OR1J2: variants seen among roughly 807,000 people sequenced by gnomAD.
OR1J2 encodes olfactory receptor family 1 subfamily J member 2, also known as olfactory receptor 1J2.
For missense variants in OR1J2, 304 were observed against 246.1 expected, an observed-to-expected ratio of 1.24 and a Z score of -1.57; for synonymous variants, 142 against 99.7, an observed-to-expected ratio of 1.42 and a Z score of -2.52.
the OR1J2 span, among the ~76,000 whole-genome samples, chr9:122,455,654 T>C: frequency 6.6e-6 from 1 of 152,228 alleles, no homozygotes; most frequent in Non-Finnish European, 1.5e-5. Flanking sequence ...ATTTTGTGAA[T>C]TGTGTTTTCA....
the OR1J2 span, chr9:122,520,119 C>G: frequency 7.0e-7 from 1 of 1,437,950 alleles, no homozygotes; most frequent in Non-Finnish European, 9.6e-7. Flanking sequence ...ATGTACTGAC[C>G]TATTTCCAGA....
At chr9:122,504,311 C>T in the OR1J2 span, among the ~76,000 whole-genome samples, 1 of 152,174 alleles carries the variant, frequency 6.6e-6, no homozygotes, top group Admixed American at 6.5e-5. Context: ...CCATATAATG[C>T]CACTATCTAC....
chr9:122,539,682 A>T, the OR1J2 span, among the ~76,000 whole-genome samples: 1 of 152,174 alleles, frequency 6.6e-6, no homozygotes, highest in Admixed American at 6.5e-5. Context: ...TCCCTGAGGA[A>T]TCGCCACACT....
the OR1J2 span, chr9:122,567,387 T>C: frequency 3.8e-5 from 20 of 524,252 alleles, no homozygotes; most frequent in African/African-American, 3.2e-4. Context: ...ACAGGCCGAA[T>C]TGTTGGGTCA....
the OR1J2 span, among the ~76,000 whole-genome samples, chr9:122,580,088 A>G: frequency 6.6e-6 from 1 of 152,184 alleles, no homozygotes; most frequent in Non-Finnish European, 1.5e-5. Flanking sequence ...GGTCACAAAA[A>G]GTGGACTTCA....
chr9:122,489,486 G>A, the OR1J2 span, among the ~76,000 whole-genome samples: 1 of 152,054 alleles, frequency 6.6e-6, no homozygotes, highest in Admixed American at 6.6e-5. Context: ...TTCGGTGCTA[G>A]GGTCTGGGAC....
the OR1J2 span, among the ~76,000 whole-genome samples, chr9:122,531,564 T>C: frequency 3.3e-5 from 5 of 152,160 alleles, no homozygotes; most frequent in African/African-American, 1.2e-4. Context: ...CTTGTAGCAT[T>C]CCAAGAACAG....
At chr9:122,519,396 C>T in the OR1J2 span, 6 of 1,614,162 alleles carry the variant, frequency 3.7e-6, no homozygotes, top group Non-Finnish European at 5.1e-6. Context: ...ATTAAGCATG[C>T]AAACTCAGGA....
chr9:122,576,586 C>A, the OR1J2 span, among the ~76,000 whole-genome samples: 2 of 152,014 alleles, frequency 1.3e-5, no homozygotes, highest in Admixed American at 6.6e-5. Context: ...GTTTCCATAT[C>A]TTGGCTATTA....
At chr9:122,458,836 C>CT in the OR1J2 span, among the ~76,000 whole-genome samples, 5,065 of 149,396 alleles carry the variant, frequency 0.034, 94 homozygotes, top group Middle Eastern at 0.13. Flanking sequence ...TCCTAAACTG[C>CT]TTTTTTTTTT....
chr9:122,551,760 C>T, the OR1J2 span, among the ~76,000 whole-genome samples: 7 of 152,048 alleles, frequency 4.6e-5, no homozygotes, highest in Admixed American at 1.3e-4. Flanking sequence ...TCGACCTTAA[C>T]GAGCACATTG....
chr9:122,485,682 T>C, the OR1J2 span, among the ~76,000 whole-genome samples: 1 of 152,200 alleles, frequency 6.6e-6, no homozygotes, highest in African/African-American at 2.4e-5. Context: ...CTAACTCAGA[T>C]AGAATGGCTG....
chr9:122,474,384 T>G, the OR1J2 span, among the ~76,000 whole-genome samples: 1 of 152,200 alleles, frequency 6.6e-6, no homozygotes, highest in Non-Finnish European at 1.5e-5. Context: ...AAAAGGGTCT[T>G]GAGACTGACT....
the OR1J2 span, among the ~76,000 whole-genome samples, chr9:122,492,520 T>C: frequency 6.6e-6 from 1 of 152,182 alleles, no homozygotes; most frequent in East Asian, 1.9e-4. Context: ...TACCCAGTAA[T>C]AGGATTTCTA....
At position 122,510,914 on chromosome 9, in the gene OR1J2, C is replaced by T. The variant is rs201746798; in HGVS notation, c.113C>T (p.Thr38Met). ...FTLFLGMYLT[T>M]VLGNLLIMLL... ...CTGTTCCTGGGCATGTACCTGACCA[C>T]GGTGCTGGGGAACCTGCTCATCATG... Residue 38 changes from threonine (T) to methionine (M), a missense_variant, in exon 1 of 1, where the codon ACG becomes ATG. Physicochemically the swap from Thr to Met is moderately conservative, Grantham distance 81. Transcript: ENST00000335302. 2.2e-5 allele frequency: 35 copies of T among 1,612,400 alleles called. No individual in the cohort carries two copies. Among genetic ancestry groups the T allele is most frequent in the East Asian group, 1.1e-4 (5 of 44,862 alleles).
the OR1J2 span, among the ~76,000 whole-genome samples, chr9:122,556,046 A>G: frequency 6.6e-6 from 1 of 152,126 alleles, no homozygotes; most frequent in South Asian, 2.1e-4. Flanking sequence ...CTCTCCCCAT[A>G]ACCCTGTGGT....
At chr9:122,512,806 G>A (rs559587804), downstream of OR1J2, among the ~76,000 whole-genome samples, 45 of 152,248 alleles carry the variant, frequency 3.0e-4, no homozygotes, top group African/African-American at 1.1e-3. Context: ...ATTAAGCCTC[G>A]TGGAATTTCA....
At chr9:122,494,238 G>T in the OR1J2 span, among the ~76,000 whole-genome samples, 1 of 152,064 alleles carries the variant, frequency 6.6e-6, no homozygotes, top group African/African-American at 2.4e-5. Flanking sequence ...TTTCTTTGTT[G>T]ACTTTCTGTC....
At chr9:122,540,329 C>A in the OR1J2 span, among the ~76,000 whole-genome samples, 527 of 152,328 alleles carry the variant, frequency 3.5e-3, 2 homozygotes, top group African/African-American at 0.012. Context: ...CAGCTTTCTA[C>A]ATATGGCTAG....
Sources: allele counts gnomAD v4.1 joint callset (sites outside exome capture counted in the v4.1 genomes callset), GRCh38; gene constraint gnomAD v4.1.1; transcripts MANE v1.5; gene names NCBI Gene and HGNC (gene_info 2026-07-23, HGNC 2026-07-21).